The following SLCO1B1 variants were observed in gnomAD, a reference collection of about 807,000 sequenced individuals.
SLCO1B1 encodes OATP-2.
SLCO1B1 carries 81 observed loss-of-function variants against 70.1 expected under a neutral mutation model. The ratio of observed to expected loss-of-function variants is 1.16; its 90% confidence interval spans 0.97 to 1.39. The LOEUF (loss-of-function observed/expected upper bound fraction) is 1.39. SLCO1B1 is among the 40% of genes most tolerant of loss of function. The pLI is 0.00. For synonymous variants in SLCO1B1, 283 were observed against 271.5 expected, an observed-to-expected ratio of 1.04 and a Z score of -0.42; for missense variants, 895 against 799.6, an observed-to-expected ratio of 1.12 and a Z score of -1.44.
rs571004574 is a variant in SLCO1B1 at position 21,185,728 on chromosome 12, G to A, written c.727+6708G>A. 2.6e-5 allele frequency among the ~76,000 whole-genome samples: 4 copies of A among 151,628 alleles called. No homozygotes were observed. The East Asian group carries it at 5.8e-4, about 22-fold the overall frequency. On this transcript the variant is annotated intron_variant, in intron 7 of 14. Transcript: ENST00000256958. ...CCAAAGCAAACTGAAAATAAATAAC[G>A]AAAATCAGAATGAAATTGTGATGCA...
At chr12:21,227,006 C>A (rs757682645) in intron 14 of SLCO1B1, among the ~76,000 whole-genome samples, 1 of 152,100 alleles carries the variant, frequency 6.6e-6, no homozygotes, top group Non-Finnish European at 1.5e-5. Flanking sequence ...CCCAAATTGT[C>A]AACCATCAAA....
At chr12:21,214,311 A>G (rs372782002) in intron 11 of SLCO1B1, among the ~76,000 whole-genome samples, 62 of 151,206 alleles carry the variant, frequency 4.1e-4, no homozygotes, top group African/African-American at 9.3e-4. Context: ...GTCTGTTGGA[A>G]TACCCTGCCG....
In SLCO1B1 at chr12:21,197,042, C is replaced by G; in HGVS notation, c.824C>G (p.Pro275Arg). ...CTATTCTCCATTATTTCTTCCATACCATTCTTTTTCTTGCCCCAAACTCCA... is the reference window on the plus strand; with the variant it reads ...CTATTCTCCATTATTTCTTCCATACGATTCTTTTTCTTGCCCCAAACTCCA... ...SGLFSIISSI[P>R]FFFLPQTPNK... Residue 275 changes from proline (P) to arginine (R), a missense_variant, in exon 8 of 15, where the codon CCA (proline) becomes CGA (arginine). Physicochemically the swap from Pro to Arg is moderately radical, Grantham distance 103. Coordinates refer to ENST00000256958, the MANE Select transcript of SLCO1B1 (RefSeq NM_006446.5). The G allele has an allele frequency of 6.2e-7, 1 of 1,613,612 alleles. No homozygotes were observed. The highest frequency in any genetic ancestry group is 8.5e-7 in the Non-Finnish European group (1 of 1,179,726).
chr12:21,138,775 T>A (rs1016753724), intron 1 of SLCO1B1, among the ~76,000 whole-genome samples: 10 of 147,938 alleles, frequency 6.8e-5, no homozygotes, highest in Non-Finnish European at 1.4e-4. Flanking sequence ...CAACCAAGAA[T>A]GGAGAATGAC....
intron 11 of SLCO1B1, among the ~76,000 whole-genome samples, chr12:21,214,795 C>T (rs750616755): frequency 6.6e-6 from 1 of 152,152 alleles, no homozygotes; most frequent in Admixed American, 6.5e-5. Context: ...CTCGGAAAAG[C>T]GCAGTATTCG....
chr12:21,205,783 C>A, intron 10 of SLCO1B1, 85 bp from the exon 11 acceptor site: 2 of 1,001,892 alleles, frequency 2.0e-6, no homozygotes, highest in Admixed American at 2.2e-5. Context: ...TCTCTGCTTT[C>A]ACTTTACTTC....
intron 2 of SLCO1B1, among the ~76,000 whole-genome samples, chr12:21,171,179 T>C (rs144067487): frequency 7.1e-4 from 108 of 152,026 alleles, no homozygotes; most frequent in Non-Finnish European, 1.4e-3. Flanking sequence ...CTCTTAAGGG[T>C]GTGAAGGAAT....
At chr12:21,155,642 A>G (rs1940533193) in intron 2 of SLCO1B1, among the ~76,000 whole-genome samples, 1 of 152,194 alleles carries the variant, frequency 6.6e-6, no homozygotes. Context: ...GCTAAAGGAT[A>G]GAACTCTGTC....
chr12:21,237,583 T>C (rs899072727), intron 14 of SLCO1B1, among the ~76,000 whole-genome samples: 2 of 152,170 alleles, frequency 1.3e-5, no homozygotes, highest in African/African-American at 4.8e-5. Flanking sequence ...CAATAATAAC[T>C]TATTTGTATA....
At chr12:21,157,751 A>G (rs1012572519) in intron 2 of SLCO1B1, among the ~76,000 whole-genome samples, 7 of 151,942 alleles carry the variant, frequency 4.6e-5, no homozygotes, top group Admixed American at 1.3e-4. Flanking sequence ...ACAGGCGCCC[A>G]CCACCACGCC....
chr12:21,207,367 A>G (rs1475672363), intron 11 of SLCO1B1, among the ~76,000 whole-genome samples: 1 of 151,836 alleles, frequency 6.6e-6, no homozygotes, highest in African/African-American at 2.4e-5. Context: ...ATTAGCTTCC[A>G]CTTATAAGTG....
chr12:21,178,839 T>G (rs1940855672), intron 6 of SLCO1B1, 83 bp from the exon 7 acceptor site: 1 of 1,351,798 alleles, frequency 7.4e-7, no homozygotes, highest in African/African-American at 1.4e-5. Flanking sequence ...GTATATGTAT[T>G]GTATCATATT....
rs1483119370 is a variant in SLCO1B1, at chr12:21,213,204, A to G, written c.1498-3915A>G. Reference sequence around the variant, plus strand: ...CCATGATTTTGCAGTGGCTGGTACCAGTTGTTCCTTTCCATGTTTAGCGCT... The same window carrying G: ...CCATGATTTTGCAGTGGCTGGTACCGGTTGTTCCTTTCCATGTTTAGCGCT... On this transcript the variant is annotated intron_variant, in intron 11 of 14. Transcript: ENST00000256958. Among the ~76,000 whole-genome samples, 593 of 151,890 alleles carry G rather than the reference A, an allele frequency of 3.9e-3. 4 individuals carry two copies. Among genetic ancestry groups the G allele is most frequent in the African/African-American group, 0.014 (578 of 41,330 alleles).
chr12:21,218,696 G>A (rs1470239710), intron 12 of SLCO1B1, among the ~76,000 whole-genome samples: 1 of 151,966 alleles, frequency 6.6e-6, no homozygotes, highest in Non-Finnish European at 1.5e-5. Context: ...TTAAATAATA[G>A]TCTGCATATC....
intron 2 of SLCO1B1, among the ~76,000 whole-genome samples, chr12:21,144,906 A>T (rs569121482): frequency 3.2e-4 from 48 of 152,294 alleles, no homozygotes; most frequent in Middle Eastern, 3.4e-3. Flanking sequence ...AGAGATGCTT[A>T]AGGGAGTCCT....
chr12:21,210,538 C>T (rs1444352714), intron 11 of SLCO1B1, among the ~76,000 whole-genome samples: 3 of 119,508 alleles, frequency 2.5e-5, no homozygotes, highest in Non-Finnish European at 3.5e-5. Context: ...ATTGACTTGG[C>T]GATGTGGGCT....
At chr12:21,182,895 C>T (rs1940921889) in intron 7 of SLCO1B1, among the ~76,000 whole-genome samples, 1 of 152,178 alleles carries the variant, frequency 6.6e-6, no homozygotes. Flanking sequence ...TTCATAGGCC[C>T]AGTCCAGGAA....
intron 13 of SLCO1B1, among the ~76,000 whole-genome samples, chr12:21,224,125 G>A (rs975785572): frequency 1.3e-5 from 2 of 152,096 alleles, no homozygotes; most frequent in Non-Finnish European, 2.9e-5. Flanking sequence ...TGGACTGTGA[G>A]CTCTAATGAC....
intron 14 of SLCO1B1, among the ~76,000 whole-genome samples, chr12:21,233,225 C>A (rs934975001): frequency 2.3e-5 from 3 of 130,502 alleles, no homozygotes; most frequent in Non-Finnish European, 5.1e-5. Flanking sequence ...CCGACTCAGG[C>A]CTTTTTGAGC....
Sources: allele counts gnomAD v4.1 joint callset (sites outside exome capture counted in the v4.1 genomes callset), GRCh38; gene constraint gnomAD v4.1.1; transcripts MANE v1.5; gene names NCBI Gene and HGNC (gene_info 2026-07-23, HGNC 2026-07-21).